DNHD1: variants seen among roughly 807,000 people sequenced by gnomAD.
The protein encoded by DNHD1 is dynein heavy chain domain 1, also known as dynein heavy chain domain-containing protein 1.
A neutral mutation model predicts 458.1 loss-of-function variants in DNHD1; 383 were observed. The ratio of observed to expected loss-of-function variants is 0.84; its 90% confidence interval spans 0.77 to 0.91. The LOEUF is 0.91. DNHD1 is among the 40% of genes least tolerant of loss of function. The pLI, the probability that DNHD1 is intolerant of heterozygous loss-of-function variation, is 0.00. For missense variants in DNHD1, 5,336 were observed against 5,866.1 expected, an observed-to-expected ratio of 0.91 and a Z score of 2.95; for synonymous variants, 2,203 against 2,376.9, an observed-to-expected ratio of 0.93 and a Z score of 2.13.
intron 3 of DNHD1, among the ~76,000 whole-genome samples, chr11:6,500,481 C>T (rs1852111024): frequency 1.3e-5 from 2 of 152,218 alleles, no homozygotes; most frequent in Admixed American, 6.5e-5. Flanking sequence ...GCTCCTGGGG[C>T]CCTAATGGGA....
At position 6,571,185 on chromosome 11, in the gene DNHD1, G is replaced by A. The variant is rs751075557; in HGVS notation, c.13673G>A (p.Arg4558His). Reference sequence around the variant, plus strand: ...CACTGGCTGCGACAGTTGTCGCGCCGTGGGCAACTGTTGGTTCGTTACTTG... The same window carrying A: ...CACTGGCTGCGACAGTTGTCGCGCCATGGGCAACTGTTGGTTCGTTACTTG... ...PWHWLRQLSR[R>H]GQLLVRYLGV... Residue 4558 changes from arginine to histidine, a missense_variant, in exon 42 of 43, where the codon CGT becomes CAT. By Grantham distance (29) the Arg-to-His change is conservative. Coordinates refer to ENST00000254579, the MANE Select transcript of DNHD1 (RefSeq NM_144666.3). The surrounding 1 kb of genome is among the most constrained non-coding windows in gnomAD (Gnocchi z 5.0). 1.2e-6 allele frequency: 2 copies of A among 1,604,090 alleles called. No homozygotes were observed. Among genetic ancestry groups the A allele is most frequent in the Admixed American group, 1.7e-5 (1 of 59,664 alleles).
chr11:6,565,098 C>T (rs1488651542), intron 32 of DNHD1, among the ~76,000 whole-genome samples: 1 of 152,158 alleles, frequency 6.6e-6, no homozygotes, highest in Non-Finnish European at 1.5e-5. Flanking sequence ...TCTGTTGGCT[C>T]TGTTTGGATC....
In DNHD1 at chr11:6,571,504, G is replaced by A; in HGVS notation, c.13911+81G>A. The stretch of plus-strand genomic sequence containing the variant: ...CACCTCGCAGTTACCCCTTCTTGGT[G>A]ATCTTGCCCCCGGTAACCCTGCTAG... On this transcript the variant is annotated intron_variant, in intron 42 of 42. Transcript: ENST00000254579. This position sits in a 1 kb window ranked among gnomAD's most constrained non-coding sequence, Gnocchi z 5.0. 6.8e-7 allele frequency: 1 copy of A among 1,468,680 alleles called. No individual in the cohort carries two copies. Among genetic ancestry groups the A allele is most frequent in the Non-Finnish European group, 9.1e-7 (1 of 1,101,936 alleles). 91.0% of individuals were successfully genotyped at this position (1,468,680 alleles called of 1,614,324 possible).
chr11:6,524,759 G>A (rs1376013577), intron 10 of DNHD1, among the ~76,000 whole-genome samples: 1 of 152,068 alleles, frequency 6.6e-6, no homozygotes, highest in East Asian at 1.9e-4. Context: ...CTATTATATG[G>A]GCCTGAGTAT....
intron 24 of DNHD1, among the ~76,000 whole-genome samples, chr11:6,555,777 A>G (rs987966838): frequency 6.6e-6 from 1 of 152,196 alleles, no homozygotes; most frequent in African/African-American, 2.4e-5. Flanking sequence ...CGATCAAATA[A>G]CAATGCCTGT....
In DNHD1 at chr11:6,498,973, A is replaced by G. The variant is rs762966208; in HGVS notation, c.746+12A>G. On this transcript the variant is annotated intron_variant, in intron 3 of 42. Transcript: ENST00000254579. ...AGAAAAGAGACCAGGTAAGTGAGGG[A>G]CTCAGTCTAGGGCTTGAGCAGAGGA... 5.7e-6 allele frequency: 9 copies of G among 1,586,930 alleles called. No homozygotes were observed. The highest frequency in any genetic ancestry group is 1.3e-5 in the African/African-American group (1 of 74,190).
In DNHD1 at chr11:6,520,079, T is replaced by A. The variant is rs1852574772; in HGVS notation, c.1762T>A (p.Ser588Thr). Residue 588 changes from serine (S) to threonine (T), a missense_variant, in exon 9 of 43, where the codon TCT becomes ACT. By Grantham distance (58) the Ser-to-Thr change is moderately conservative. This residue lies in a region of DNHD1 where 3,932 missense variants were observed against 4,365.6 expected (regional missense o/e 0.90). Transcript: ENST00000254579. ...CCAGACTCTAACTGGAGGCCTACAGTCTGTCAAGACCTCTGCCTTGCAGGT... is the reference window on the plus strand; with the variant it reads ...CCAGACTCTAACTGGAGGCCTACAGACTGTCAAGACCTCTGCCTTGCAGGT... ...MIQTLTGGLQSVKTSALQVVQ... is the reference protein window; with the variant it reads ...MIQTLTGGLQTVKTSALQVVQ... 6.2e-7 allele frequency: 1 copy of A among 1,614,050 alleles called. No individual in the cohort carries two copies. The highest frequency in any genetic ancestry group is 1.3e-5 in the African/African-American group (1 of 74,912).
Position 6,551,813 on chromosome 11 carries a change from T to C in DNHD1, c.7387+2880T>C, listed in dbSNP as rs191965931. Among the ~76,000 whole-genome samples the C allele has an allele frequency of 1.8e-4, 28 of 152,098 alleles. No homozygotes were observed. In the East Asian group the frequency reaches 2.9e-3, roughly 16 times the overall value. On this transcript the variant is annotated intron_variant, in intron 24 of 42. Coordinates refer to ENST00000254579, the MANE Select transcript of DNHD1 (RefSeq NM_144666.3). ...AAAATTAGCTGGGCATGGTGGCATG[T>C]ACCTGTAATCACAGCTACTCGGGAG...
rs1853686527 is a variant in DNHD1, at chr11:6,565,996, G to C, written c.11053+5G>C. On this transcript the variant is annotated splice_donor_5th_base_variant and intron_variant, in intron 33 of 42. Transcript: ENST00000254579. ...TCCAGGAGGCAGCTGCTTGTGGTGAGAGCTGGTCCCCACCCACCCTGGCCC... is the reference window on the plus strand; with the variant it reads ...TCCAGGAGGCAGCTGCTTGTGGTGACAGCTGGTCCCCACCCACCCTGGCCC... The C allele has an allele frequency of 6.4e-7, 1 of 1,551,450 alleles. No individual in the cohort carries two copies. Among genetic ancestry groups the C allele is most frequent in the Non-Finnish European group, 8.7e-7 (1 of 1,146,932 alleles).
chr11:6,545,698 C>T lies in DNHD1; in HGVS notation c.4759C>T (p.Leu1587=). The T allele has an allele frequency of 6.4e-7, 1 of 1,551,720 alleles. No individual in the cohort carries two copies. The highest frequency in any genetic ancestry group is 8.7e-7 in the Non-Finnish European group (1 of 1,147,014). The change falls in exon 21 of 43, where the codon CTG becomes TTG. Residue 1587 remains leucine, a synonymous_variant. Transcript: ENST00000254579. This position sits in a 1 kb window ranked among gnomAD's most constrained non-coding sequence, Gnocchi z 4.9. Reference sequence around the variant, plus strand: ...AGTGACTCACCGGGATATAGCACAGCTGCTGGAACAGCACCAGGTCAGTGA... The same window carrying T: ...AGTGACTCACCGGGATATAGCACAGTTGCTGGAACAGCACCAGGTCAGTGA... The part of the protein sequence containing the change: ...MAVTHRDIAQ[L]LEQHQVSDLT...
intron 10 of DNHD1, among the ~76,000 whole-genome samples, chr11:6,526,984 A>G (rs997579256): frequency 3.3e-5 from 5 of 152,140 alleles, no homozygotes; most frequent in Non-Finnish European, 7.3e-5. Flanking sequence ...TGGTGATGCC[A>G]TGTGTGTTTT....
chr11:6,537,135 C>A (rs1403459121), intron 14 of DNHD1, among the ~76,000 whole-genome samples: 1 of 152,150 alleles, frequency 6.6e-6, no homozygotes, highest in Non-Finnish European at 1.5e-5. Flanking sequence ...AAGTAAATTG[C>A]AAACCTCGAT....
intron 7 of DNHD1, among the ~76,000 whole-genome samples, chr11:6,515,541 C>A (rs755361566): frequency 2.6e-5 from 4 of 152,160 alleles, no homozygotes; most frequent in Non-Finnish European, 5.9e-5. Flanking sequence ...CCTCCTTCCC[C>A]ACTCCAGATG....
Position 6,549,160 on chromosome 11 carries a change from G to T in DNHD1, c.7387+227G>T, listed in dbSNP as rs925467878. On this transcript the variant is annotated intron_variant, in intron 24 of 42. Transcript: ENST00000254579. ...GTGTCCAATCTCACTTCTTTTCTAA[G>T]CACCAGATCTGTCTATCCAGCTGTC... The T allele has an allele frequency of 1.7e-5, 10 of 578,502 alleles. No homozygotes were observed. The African/African-American group carries it at 1.9e-4, about 11-fold the overall frequency. 35.8% of individuals were successfully genotyped at this position (578,502 alleles called of 1,614,324 possible).
chr11:6,502,990 C>G, intron 4 of DNHD1, 64 bp downstream of exon 4: 2 of 1,573,166 alleles, frequency 1.3e-6, no homozygotes. Context: ...GCTATCTTCC[C>G]CCTCCTCTTT....
At position 6,566,988 on chromosome 11, in the gene DNHD1, TGC is replaced by T. The variant is rs757812287; in HGVS notation, c.11480_11481del (p.Cys3827SerfsTer7). On this transcript the variant is annotated frameshift_variant, in exon 36 of 43. Coordinates refer to ENST00000254579, the MANE Select transcript of DNHD1 (RefSeq NM_144666.3). LOFTEE classifies it high-confidence loss of function. ...RNIVRAQGKLCQLRAHCEELE... is the reference protein window; with the variant it reads ...RNIVRAQGKLXQLRAHCEELE... ...CATAGTGAGGGCCCAAGGAAAGCTATGCCAGCTGCGTGCTCATTGTGAAGAGT... is the reference window on the plus strand; with the variant it reads ...CATAGTGAGGGCCCAAGGAAAGCTATCAGCTGCGTGCTCATTGTGAAGAGT... 1.2e-6 allele frequency: 2 copies of T among 1,614,004 alleles called. No individual in the cohort carries two copies. Among genetic ancestry groups the T allele is most frequent in the Non-Finnish European group, 1.7e-6 (2 of 1,179,878 alleles).
rs368561584 is a variant in DNHD1, at chr11:6,571,087, C to T, written c.13575C>T (p.Ala4525=). 5.7e-5 allele frequency: 91 copies of T among 1,590,258 alleles called. No individual in the cohort carries two copies. In the Middle Eastern group the frequency reaches 2.7e-3, roughly 47 times the overall value. The change falls in exon 42 of 43, where the codon GCC becomes GCT. Residue 4525 remains alanine, a synonymous_variant. Transcript: ENST00000254579. The surrounding 1 kb of genome is among the most constrained non-coding windows in gnomAD (Gnocchi z 5.0). ...PCPSRRCAAV[A]HALWTGRLPL... is the part of the protein sequence containing the mutation. ...CCTCCCGCCGCTGTGCTGCGGTGGC[C>T]CACGCTCTCTGGACTGGCCGCCTAC... is the stretch of plus-strand genomic sequence containing the variant.
Position 6,548,429 on chromosome 11 carries a change from G to A in DNHD1, c.7098+27G>A, listed in dbSNP as rs746034689. 6.5e-7 allele frequency: 1 copy of A among 1,547,076 alleles called. No homozygotes were observed. The highest frequency in any genetic ancestry group is 8.7e-7 in the Non-Finnish European group (1 of 1,144,046). On this transcript the variant is annotated intron_variant, in intron 23 of 42. Transcript: ENST00000254579. This position sits in a 1 kb window ranked among gnomAD's most constrained non-coding sequence, Gnocchi z 4.4. ...TGTGAGGACAGTAAGGCAAGAGCTG[G>A]GGTTAGAACTTCAGGACTTATTTTA...
At chr11:6,551,288 A>C (rs1206471056) in intron 24 of DNHD1, among the ~76,000 whole-genome samples, 2 of 152,232 alleles carry the variant, frequency 1.3e-5, no homozygotes, top group Non-Finnish European at 2.9e-5. Context: ...CTAAATAATA[A>C]TGAAAACAAA....
Sources: allele counts gnomAD v4.1 joint callset (sites outside exome capture counted in the v4.1 genomes callset), GRCh38; gene constraint gnomAD v4.1.1; regional missense constraint gnomAD v4.1.1; non-coding constraint Gnocchi (gnomAD v3.1); transcripts MANE v1.5; gene names NCBI Gene and HGNC (gene_info 2026-07-23, HGNC 2026-07-21).